PHF2: variants seen among roughly 807,000 people sequenced by gnomAD.
The protein encoded by PHF2 is lysine-specific demethylase PHF2.
PHF2 carries 27 observed loss-of-function variants against 120.5 expected under a neutral mutation model. That is an observed-to-expected ratio of 0.22 (90% CI 0.17 to 0.31). The LOEUF (loss-of-function observed/expected upper bound fraction) is 0.31. Ranked by LOEUF, PHF2 falls within the 10% of genes least tolerant of loss-of-function variation. PHF2 has a pLI of 1.00. For missense variants in PHF2, 1,024 were observed against 1,434.8 expected, an observed-to-expected ratio of 0.71 and a Z score of 4.63; for synonymous variants, 568 against 592.5, an observed-to-expected ratio of 0.96 and a Z score of 0.60.
At chr9:93,665,126 G>A (rs1419877134) in intron 14 of PHF2, among the ~76,000 whole-genome samples, 2 of 152,236 alleles carry the variant, frequency 1.3e-5, no homozygotes, top group African/African-American at 2.4e-5. Flanking sequence ...ATTACACACT[G>A]TTTCTTAGAC....
At chr9:93,582,271 T>G (rs887775561) in intron 1 of PHF2, among the ~76,000 whole-genome samples, 1 of 152,186 alleles carries the variant, frequency 6.6e-6, no homozygotes, top group East Asian at 1.9e-4. Context: ...TTATTCTGGC[T>G]CAAGGGCCTG....
At chr9:93,576,967 C>T in intron 1 of PHF2, 96 bp downstream of exon 1, 1 of 418,484 alleles carries the variant, frequency 2.4e-6, no homozygotes, top group Non-Finnish European at 3.2e-6. Context: ...GCAGGCCCGG[C>T]TCGGGGACGG....
intron 4 of PHF2, 86 bp downstream of exon 4, chr9:93,645,875 C>T: frequency 2.1e-6 from 3 of 1,426,384 alleles, no homozygotes; most frequent in Non-Finnish European, 2.8e-6. Flanking sequence ...TTCCCCACGC[C>T]CTGGCTGTGT....
intron 2 of PHF2, among the ~76,000 whole-genome samples, chr9:93,630,416 G>A (rs1018973011): frequency 3.9e-5 from 6 of 152,314 alleles, no homozygotes; most frequent in Non-Finnish European, 4.4e-5. Context: ...AGCCTAGCCC[G>A]GCCCAGCCAG....
At chr9:93,646,470 G>C (rs1826262462) in intron 4 of PHF2, among the ~76,000 whole-genome samples, 1 of 152,242 alleles carries the variant, frequency 6.6e-6, no homozygotes, top group African/African-American at 2.4e-5. Flanking sequence ...GGGGATGCCT[G>C]GGTGGCTGGC....
At chr9:93,667,300 C>A (rs933587965) in intron 17 of PHF2, 60 bp downstream of exon 17, 3 of 1,557,416 alleles carry the variant, frequency 1.9e-6, no homozygotes, top group Admixed American at 4.0e-5. Flanking sequence ...AGGGCTGGCC[C>A]TCGGCCATGA....
At chr9:93,617,556 C>G (rs1034878720) in intron 1 of PHF2, among the ~76,000 whole-genome samples, 16 of 152,184 alleles carry the variant, frequency 1.1e-4, no homozygotes, top group Non-Finnish European at 2.4e-4. Flanking sequence ...CTACACTCCC[C>G]GCCCCCGAAG....
chr9:93,594,195 C>A lies in PHF2; in HGVS notation c.98+17324C>A, dbSNP rs866050943. 7.5e-4 allele frequency among the ~76,000 whole-genome samples: 111 copies of A among 147,122 alleles called. No homozygotes were observed. In the East Asian group the frequency reaches 0.019, roughly 25 times the overall value. On this transcript the variant is annotated intron_variant, in intron 1 of 21. Transcript: ENST00000359246. ...CCCCTCTTCTCATGTGACCCCCCCC[C>A]CCTCCATTAATGCACAATGCACATT...
intron 1 of PHF2, among the ~76,000 whole-genome samples, chr9:93,599,752 G>A (rs1825404339): frequency 6.6e-6 from 1 of 152,248 alleles, no homozygotes; most frequent in Non-Finnish European, 1.5e-5. Context: ...TTGCAGCAAG[G>A]GGGATTCGGA....
At chr9:93,614,857 A>T (rs201626816) in intron 1 of PHF2, among the ~76,000 whole-genome samples, 3 of 60,732 alleles carry the variant, frequency 4.9e-5, no homozygotes, top group African/African-American at 1.3e-4. Flanking sequence ...AGTAATGATG[A>T]TGGTGATGAT....
rs750003716 is a variant in PHF2, at chr9:93,677,395, G to A, written c.3203-193G>A. Reference sequence around the variant, plus strand: ...CCCTTGAGGACACGGCCTCTGAGGCGGAGGCTTTGCCAGTGATCCCAGACT... The same window carrying A: ...CCCTTGAGGACACGGCCTCTGAGGCAGAGGCTTTGCCAGTGATCCCAGACT... On this transcript the variant is annotated intron_variant, in intron 21 of 21. Coordinates refer to ENST00000359246, the MANE Select transcript of PHF2 (RefSeq NM_005392.4). The surrounding 1 kb of genome is among the most constrained non-coding windows in gnomAD (Gnocchi z 4.4). Among the ~76,000 whole-genome samples, 3 of 151,776 alleles carry A rather than the reference G, an allele frequency of 2.0e-5. No homozygotes were observed. The highest frequency in any genetic ancestry group is 2.0e-4 in the East Asian group (1 of 5,092).
intron 1 of PHF2, among the ~76,000 whole-genome samples, chr9:93,598,371 T>C (rs1280298177): frequency 6.6e-6 from 1 of 152,186 alleles, no homozygotes; most frequent in Non-Finnish European, 1.5e-5. Context: ...TTGGTTCTCA[T>C]CCTACCAGAG....
rs779599558 is a variant in PHF2, at chr9:93,673,696, C to T, written c.2460C>T (p.Ala820=). 8.1e-6 allele frequency: 13 copies of T among 1,613,176 alleles called. No individual in the cohort carries two copies. Among genetic ancestry groups the T allele is most frequent in the Non-Finnish European group, 1.1e-5 (13 of 1,179,734 alleles). The stretch of plus-strand genomic sequence containing the variant: ...AGACCACGTGGGGAGCTGGCCAGGC[C>T]AAGGGGAGCTCGCTGGCTGCCCATG... ...CLQTTWGAGQ[A]KGSSLAAHGA... Residue 820 remains alanine (A), a synonymous_variant, in exon 18 of 22, where the codon GCC becomes GCT. Coordinates refer to ENST00000359246, the MANE Select transcript of PHF2 (RefSeq NM_005392.4).
At chr9:93,611,352 T>C (rs902500341) in intron 1 of PHF2, among the ~76,000 whole-genome samples, 4 of 151,636 alleles carry the variant, frequency 2.6e-5, no homozygotes, top group African/African-American at 9.7e-5. Context: ...GAGGTGGACA[T>C]TGCAGTGAGC....
chr9:93,609,786 T>G (rs1825604420), intron 1 of PHF2, among the ~76,000 whole-genome samples: 1 of 152,180 alleles, frequency 6.6e-6, no homozygotes, highest in African/African-American at 2.4e-5. Flanking sequence ...CACTGCAACC[T>G]CCTGGGTTGA....
At chr9:93,663,734 CATT>C in intron 14 of PHF2, 99 bp downstream of exon 14, 1 of 687,170 alleles carries the variant, frequency 1.5e-6, no homozygotes, top group South Asian at 1.7e-5. Flanking sequence ...ACCACACACA[CATT>C]ACACACACAC....
intron 2 of PHF2, among the ~76,000 whole-genome samples, chr9:93,631,770 G>T (rs1318018790): frequency 1.3e-5 from 2 of 150,348 alleles, no homozygotes; most frequent in African/African-American, 4.9e-5. Flanking sequence ...GTGCTTTCCT[G>T]GGGGGTAGGA....
chr9:93,640,221 T>A (rs1207898528), intron 3 of PHF2, among the ~76,000 whole-genome samples: 1 of 152,208 alleles, frequency 6.6e-6, no homozygotes. Flanking sequence ...TTTGGTTTCA[T>A]GTCTGCCATT....
chr9:93,636,535 C>G lies in PHF2; in HGVS notation c.299+10C>G. On this transcript the variant is annotated intron_variant, in intron 3 of 21. Coordinates refer to ENST00000359246, the MANE Select transcript of PHF2 (RefSeq NM_005392.4). Reference sequence around the variant, plus strand: ...GCCGGACCTTTCCCAGGTGGGCTGGCCTTCCTGTATGCTCCACCACCTGCA... The same window carrying G: ...GCCGGACCTTTCCCAGGTGGGCTGGGCTTCCTGTATGCTCCACCACCTGCA... 6.4e-7 allele frequency: 1 copy of G among 1,560,252 alleles called. No individual in the cohort carries two copies. Among genetic ancestry groups the G allele is most frequent in the Non-Finnish European group, 8.7e-7 (1 of 1,148,726 alleles).
Sources: gnomAD v4.1 joint callset for allele counts (sites outside exome capture counted in the v4.1 genomes callset) on GRCh38, gnomAD v4.1.1 for gene constraint, Gnocchi (gnomAD v3.1) non-coding constraint, MANE v1.5 for transcripts, NCBI Gene and HGNC (gene_info 2026-07-23, HGNC 2026-07-21) for gene names.